NSMCE2: variants seen among roughly 807,000 people sequenced by gnomAD.
The protein encoded by NSMCE2 is E3 SUMO-protein ligase NSE2.
Under a neutral mutation model 23.8 loss-of-function variants are expected in NSMCE2, and 24 were observed. The ratio of observed to expected loss-of-function variants is 1.01; its 90% CI spans 0.73 to 1.42. The LOEUF (loss-of-function observed/expected upper bound fraction) is 1.42, where lower values mean the gene tolerates loss of function less well. Among genes scored for constraint, NSMCE2 ranks in the 40% most tolerant of loss-of-function variants. The pLI is 0.00. For missense variants in NSMCE2, 284 were observed against 296.5 expected (o/e 0.96, Z 0.31); for synonymous variants, 92 against 94.1 (o/e 0.98, Z 0.13).
intron 4 of NSMCE2, among the ~76,000 whole-genome samples, chr8:125,162,233 AT>A (rs779796076): frequency 3.9e-5 from 6 of 152,212 alleles, no homozygotes; most frequent in Non-Finnish European, 7.3e-5. Flanking sequence ...AAAAATTTTA[AT>A]TGTTTGAAAA....
intron 5 of NSMCE2, among the ~76,000 whole-genome samples, chr8:125,273,240 G>C (rs1827303096): frequency 6.6e-6 from 1 of 152,194 alleles, no homozygotes; most frequent in Admixed American, 6.5e-5. Context: ...ACCAGATACT[G>C]ATACCATCCC....
intron 5 of NSMCE2, among the ~76,000 whole-genome samples, chr8:125,223,444 T>G (rs898693863): frequency 6.6e-6 from 1 of 152,206 alleles, no homozygotes; most frequent in Non-Finnish European, 1.5e-5. Flanking sequence ...GCAGTGAACG[T>G]GGGAGTGCAG....
At chr8:125,285,973 G>A (rs934527891) in intron 5 of NSMCE2, among the ~76,000 whole-genome samples, 1 of 151,922 alleles carries the variant, frequency 6.6e-6, no homozygotes, top group Admixed American at 6.6e-5. Context: ...CCATTAGGAT[G>A]TACCTTGGAA....
chr8:125,217,335 T>TTTTA (rs1300941206), intron 5 of NSMCE2, among the ~76,000 whole-genome samples: 115 of 151,478 alleles, frequency 7.6e-4, no homozygotes, highest in Middle Eastern at 3.4e-3. Context: ...TTTTAAAAAA[T>TTTTA]TTTATTTATT....
At chr8:125,143,885 C>T (rs539797835) in intron 3 of NSMCE2, among the ~76,000 whole-genome samples, 2 of 152,150 alleles carry the variant, frequency 1.3e-5, no homozygotes, top group South Asian at 2.1e-4. Context: ...TTTTGTAGAC[C>T]CATAAGGTAT....
intron 5 of NSMCE2, among the ~76,000 whole-genome samples, chr8:125,195,280 C>T (rs189153146): frequency 6.6e-6 from 1 of 152,082 alleles, no homozygotes; most frequent in East Asian, 1.9e-4. Context: ...CTGGTAAGTC[C>T]ACAGGCATTT....
At position 125,262,107 on chromosome 8, in the gene NSMCE2, A is replaced by AAAATC. The variant is rs553690446; in HGVS notation, c.418+79855_418+79856insCAAAT. ...GTGAGACTCTGTCTCAAAATAAAATAAAATAAAATAAAATAAAATATAAAA... is the reference window on the plus strand; with the variant it reads ...GTGAGACTCTGTCTCAAAATAAAATAAAATCAAATAAAATAAAATAAAATATAAAA... On this transcript the variant is annotated intron_variant, in intron 5 of 7. Transcript: ENST00000287437. 2.1e-3 allele frequency among the ~76,000 whole-genome samples: 320 copies of AAAATC among 150,544 alleles called. 7 individuals are homozygous for AAAATC. The East Asian group carries it at 0.059, about 28-fold the overall frequency.
chr8:125,242,562 T>G (rs140132062), intron 5 of NSMCE2, among the ~76,000 whole-genome samples: 1 of 151,472 alleles, frequency 6.6e-6, no homozygotes, highest in South Asian at 2.1e-4. Flanking sequence ...ACTGTTAGCT[T>G]ATGGTTCATC....
intron 5 of NSMCE2, among the ~76,000 whole-genome samples, chr8:125,273,130 G>A (rs994707017): frequency 2.6e-5 from 4 of 152,138 alleles, no homozygotes; most frequent in Non-Finnish European, 4.4e-5. Context: ...TACTGAAAAG[G>A]CCAGTGACTT....
rs746545242 is a variant in NSMCE2 at position 125,357,769 on chromosome 8, G to A, written c.577G>A (p.Ala193Thr). The A allele has an allele frequency of 4.3e-6, 7 of 1,614,084 alleles. No individual in the cohort carries two copies. The highest frequency in any genetic ancestry group is 2.2e-5 in the East Asian group (1 of 44,884). Residue 193 changes from alanine (A) to threonine (T), a missense_variant, in exon 7 of 8, where the codon GCC becomes ACC. By Grantham distance (58) the Ala-to-Thr change is moderately conservative (BLOSUM62 0). Transcript: ENST00000287437. ...GTGTGGCCACACCTATGAAGAGGAC[G>A]CCATTGTTCGCATGATTGAGTCCAG... ...KVCGHTYEED[A>T]IVRMIESRQK...
chr8:125,221,892 G>A (rs1176833871), intron 5 of NSMCE2, among the ~76,000 whole-genome samples: 2 of 152,170 alleles, frequency 1.3e-5, no homozygotes, highest in African/African-American at 4.8e-5. Context: ...GATTAAGGAT[G>A]TTCAACCTAT....
At chr8:125,263,398 T>A (rs538436319) in intron 5 of NSMCE2, among the ~76,000 whole-genome samples, 1 of 152,118 alleles carries the variant, frequency 6.6e-6, no homozygotes, top group Non-Finnish European at 1.5e-5. Flanking sequence ...GAAGGTTACT[T>A]CTAGCTTCAT....
intron 5 of NSMCE2, among the ~76,000 whole-genome samples, chr8:125,288,890 G>A (rs1022675860): frequency 6.6e-6 from 1 of 152,042 alleles, no homozygotes; most frequent in Non-Finnish European, 1.5e-5. Context: ...AACCTCCCAG[G>A]CTCAAACCAT....
chr8:125,352,074 A>G (rs1355695803), intron 5 of NSMCE2, among the ~76,000 whole-genome samples: 2 of 152,234 alleles, frequency 1.3e-5, no homozygotes, highest in Non-Finnish European at 2.9e-5. Context: ...ATAACAATAT[A>G]GTTATTCTTC....
chr8:125,155,845 A>G (rs746738000), intron 4 of NSMCE2, among the ~76,000 whole-genome samples: 2 of 152,214 alleles, frequency 1.3e-5, no homozygotes, highest in Non-Finnish European at 2.9e-5. Context: ...AACAAATCCA[A>G]CCACTATCAT....
intron 5 of NSMCE2, chr8:125,348,409 A>G (rs1236618884): frequency 6.6e-6 from 1 of 152,148 alleles, no homozygotes; most frequent in East Asian, 1.9e-4. Context: ...TGTAGGTGCT[A>G]TTTGATCATG....
chr8:125,365,969 T>C (rs1813772158), intron 7 of NSMCE2, among the ~76,000 whole-genome samples: 1 of 152,236 alleles, frequency 6.6e-6, no homozygotes, highest in Admixed American at 6.5e-5. Flanking sequence ...TAGAGCTTGC[T>C]GTCACTCCAG....
chr8:125,300,983 C>G (rs565939325), intron 5 of NSMCE2, among the ~76,000 whole-genome samples: 1 of 152,348 alleles, frequency 6.6e-6, no homozygotes, highest in African/African-American at 2.4e-5. Flanking sequence ...GTCTGACTCA[C>G]TGACGTTCCA....
At chr8:125,247,101 G>A (rs902680065) in intron 5 of NSMCE2, among the ~76,000 whole-genome samples, 4 of 151,792 alleles carry the variant, frequency 2.6e-5, no homozygotes, top group East Asian at 3.9e-4. Context: ...GCTGAGTGGG[G>A]CAGGATTGCT....
Sources: allele counts gnomAD v4.1 joint callset (sites outside exome capture counted in the v4.1 genomes callset), GRCh38; gene constraint gnomAD v4.1.1; transcripts MANE v1.5; gene names NCBI Gene and HGNC (gene_info 2026-07-23, HGNC 2026-07-21).